Variants in HDAC8 observed in about 807,000 individuals in gnomAD.
The protein encoded by HDAC8 is histone deacetylase-like 1.
A neutral mutation model predicts 32.2 loss-of-function variants in HDAC8; 1 was observed. The ratio of observed to expected loss-of-function variants is 0.03; its 90% CI spans 0.01 to 0.15. The LOEUF is 0.15. Among genes scored for constraint, HDAC8 ranks in the 10% least tolerant of loss-of-function variants. The pLI, the probability that HDAC8 is intolerant of heterozygous loss-of-function variation, is 1.00. For missense variants in HDAC8, 117 were observed against 300.0 expected (o/e 0.39, Z 4.51); for synonymous variants, 108 against 113.9 (o/e 0.95, Z 0.33).
rs144376026 is a variant in HDAC8, at chrX:72,570,312, C to A, written c.165-1428G>T. ...ATGTTAAAAAACACTTACTGAAAAC[C>A]TCCCTATTTAACAGTAAGCAAACTG... On this transcript the variant is annotated intron_variant, in intron 2 of 10. Coordinates refer to ENST00000373573, the MANE Select transcript of HDAC8 (RefSeq NM_018486.3). Among the ~76,000 whole-genome samples, 163 of 112,075 alleles carry A rather than the reference C, an allele frequency of 1.5e-3. 2 individuals are homozygous for A. The highest frequency in any genetic ancestry group is 3.9e-4 in the Non-Finnish European group (21 of 53,232).
intron 9 of HDAC8, among the ~76,000 whole-genome samples, chrX:72,448,335 A>T (rs1555986004): frequency 1.8e-5 from 2 of 112,132 alleles, no homozygotes; most frequent in Non-Finnish European, 3.8e-5. Flanking sequence ...GCAATGGGGA[A>T]AGATTCCCTA....
intron 10 of HDAC8, among the ~76,000 whole-genome samples, chrX:72,334,084 T>C (rs782094258): frequency 1.6e-4 from 18 of 112,257 alleles, no homozygotes; most frequent in African/African-American, 5.5e-4. Context: ...CAATGTTGAA[T>C]TGGGGTAACA....
intron 7 of HDAC8, among the ~76,000 whole-genome samples, chrX:72,485,664 A>T (rs2048648306): frequency 9.0e-6 from 1 of 111,472 alleles, no homozygotes; most frequent in Admixed American, 9.5e-5. Context: ...TAAAAGAAAG[A>T]AGAAAGAAAG....
intron 9 of HDAC8, among the ~76,000 whole-genome samples, chrX:72,438,813 G>A (rs1194954569): frequency 8.9e-6 from 1 of 111,833 alleles, no homozygotes; most frequent in Non-Finnish European, 1.9e-5. Flanking sequence ...AAAGGACTAT[G>A]TGAAAAGACC....
chrX:72,538,539 T>C (rs1198408250), intron 4 of HDAC8, among the ~76,000 whole-genome samples: 1 of 111,600 alleles, frequency 9.0e-6, no homozygotes, highest in African/African-American at 3.3e-5. Flanking sequence ...TTACTACAGT[T>C]AAGACATCAG....
chrX:72,476,320 G>A (rs781917715), intron 7 of HDAC8, among the ~76,000 whole-genome samples: 1 of 110,551 alleles, frequency 9.0e-6, no homozygotes, highest in East Asian at 2.8e-4. Flanking sequence ...ATCTGGGCAG[G>A]GGGTAGGGTG....
intron 4 of HDAC8, among the ~76,000 whole-genome samples, chrX:72,540,507 C>T (rs1375463502): frequency 1.8e-5 from 2 of 110,126 alleles, no homozygotes; most frequent in African/African-American, 6.6e-5. Flanking sequence ...TAACCTTGCA[C>T]TCCCTCTAGT....
intron 9 of HDAC8, among the ~76,000 whole-genome samples, chrX:72,421,648 A>G (rs2046496219): frequency 8.9e-6 from 1 of 112,344 alleles, no homozygotes; most frequent in South Asian, 3.7e-4. Flanking sequence ...ATTTTTATGT[A>G]TTTGTCTTTT....
chrX:72,514,257 G>A (rs782087580), intron 4 of HDAC8, among the ~76,000 whole-genome samples: 17 of 111,962 alleles, frequency 1.5e-4, no homozygotes, highest in Non-Finnish European at 2.6e-4. Context: ...TTTAACTTAC[G>A]GATGCTGCCT....
At chrX:72,364,326 TC>T (rs782408941) in intron 9 of HDAC8, among the ~76,000 whole-genome samples, 1 of 111,375 alleles carries the variant, frequency 9.0e-6, no homozygotes, top group Admixed American at 9.6e-5. Context: ...CAGCCTCTCT[TC>T]TTTCTCTTTG....
rs142125641 is a variant in HDAC8 at position 72,369,301 on chromosome X, C to T, written c.1006-17463G>A. On this transcript the variant is annotated intron_variant, in intron 9 of 10. Coordinates refer to ENST00000373573, the MANE Select transcript of HDAC8 (RefSeq NM_018486.3). ...GCATCATAGCTTCTAGTTCTTTTTCCGGTTCTGCTAATGATGAACCCGATG... is the reference window on the plus strand; with the variant it reads ...GCATCATAGCTTCTAGTTCTTTTTCTGGTTCTGCTAATGATGAACCCGATG... Among the ~76,000 whole-genome samples, 82 of 111,277 alleles carry T rather than the reference C, an allele frequency of 7.4e-4. 1 individual carries two copies. The East Asian group carries it at 0.02, about 27-fold the overall frequency.
At chrX:72,498,031 C>T (rs2049081673) in intron 4 of HDAC8, among the ~76,000 whole-genome samples, 1 of 110,372 alleles carries the variant, frequency 9.1e-6, no homozygotes, top group African/African-American at 3.3e-5. Flanking sequence ...GTAGAGGGAT[C>T]ACAGAAAGGG....
At chrX:72,360,349 C>T (rs1430640330) in intron 9 of HDAC8, among the ~76,000 whole-genome samples, 2 of 105,522 alleles carry the variant, frequency 1.9e-5, no homozygotes, top group Admixed American at 2.0e-4. Flanking sequence ...AGCGAGACTC[C>T]GTCAAAAAAA....
intron 4 of HDAC8, among the ~76,000 whole-genome samples, chrX:72,523,237 A>T (rs781861476): frequency 1.8e-5 from 2 of 112,206 alleles, no homozygotes; most frequent in East Asian, 5.6e-4. Flanking sequence ...AATATAAAAC[A>T]GTACCTGTTT....
At chrX:72,437,467 G>T (rs1357310828) in intron 9 of HDAC8, among the ~76,000 whole-genome samples, 9 of 110,847 alleles carry the variant, frequency 8.1e-5, no homozygotes, top group Non-Finnish European at 1.3e-4. Flanking sequence ...TACTCCAGTG[G>T]CACCTGGAAT....
Position 72,329,544 on chromosome X carries a change from C to A in HDAC8, c.*510G>T. On this transcript the variant is annotated 3_prime_UTR_variant, in exon 11 of 11. Transcript: ENST00000373573. ...GTTTTCAAAGATTTTATTAAAAAAA[C>A]CAAAGATATATAACACTAAAACAAC... The A allele has an allele frequency of 2.9e-6, 2 of 680,073 alleles. No individual in the cohort carries two copies. Among genetic ancestry groups the A allele is most frequent in the Non-Finnish European group, 4.3e-6 (2 of 461,807 alleles). 56.0% of individuals were successfully genotyped at this position (680,073 alleles called of 1,213,427 possible). A position where few individuals can be genotyped will look rare whatever the true frequency, so the allele number is the denominator to read the frequency against.
intron 9 of HDAC8, among the ~76,000 whole-genome samples, chrX:72,354,310 G>A (rs1376394658): frequency 8.9e-6 from 1 of 112,209 alleles, no homozygotes; most frequent in African/African-American, 3.2e-5. Flanking sequence ...ACTGTTCTTA[G>A]GTTAGGGGAC....
chrX:72,495,190 A>T lies in HDAC8; in HGVS notation c.516T>A (p.Ile172=), dbSNP rs61752447. Residue 172 remains isoleucine, a synonymous_variant, in exon 5 of 11, where the codon ATT becomes ATA. Transcript: ENST00000373573. ...GGTGCAGATCCAAATCCACGTAGAG[A>T]ATACGCTCAAATTTCCGTCGCAATC... ...ILRLRRKFER[I]LYVDLDLHHG... is the part of the protein sequence containing the mutation. 4.5e-4 allele frequency: 546 copies of T among 1,206,087 alleles called. 7 individuals carry two copies. The South Asian group carries it at 9.0e-3, about 20-fold the overall frequency.
intron 7 of HDAC8, chrX:72,468,000 A>G: frequency 8.4e-7 from 1 of 1,192,374 alleles, no homozygotes; most frequent in Non-Finnish European, 1.1e-6. Context: ...AGGAGTTCTG[A>G]TAAAGAGGGC....
Sources: allele counts gnomAD v4.1 joint callset (sites outside exome capture counted in the v4.1 genomes callset), GRCh38; gene constraint gnomAD v4.1.1; transcripts MANE v1.5; gene names NCBI Gene and HGNC (gene_info 2026-07-23, HGNC 2026-07-21).